The following MYH1 variants were observed in gnomAD, a reference collection of about 807,000 sequenced individuals.
The protein encoded by MYH1 is myosin heavy chain 1.
Under a neutral mutation model 225.6 loss-of-function variants are expected in MYH1, and 214 were observed. The ratio of observed to expected loss-of-function variants is 0.95; its 90% CI spans 0.85 to 1.06. The LOEUF (loss-of-function observed/expected upper bound fraction) is 1.06, where lower values mean the gene tolerates loss of function less well. MYH1 is among the 50% of genes least tolerant of loss of function. MYH1 has a pLI of 0.00. For missense variants in MYH1, 2,098 were observed against 2,344.2 expected (o/e 0.89, Z 2.17); for synonymous variants, 774 against 842.3 (o/e 0.92, Z 1.40).
rs117457393 is a variant in MYH1 at position 10,498,020 on chromosome 17, T to C, written c.4182-103A>G. ...CCACAATCAGACTTCTTTAATACTT[T>C]GCTTCTCAAGCTTGTTTTGTAGGTC... On this transcript the variant is annotated intron_variant, in intron 30 of 39. Coordinates refer to ENST00000226207, the MANE Select transcript of MYH1 (RefSeq NM_005963.4). 2.0e-4 allele frequency: 237 copies of C among 1,157,096 alleles called. 1 individual carries two copies. The East Asian group carries it at 5.1e-3, about 25-fold the overall frequency. The allele number at this position is 1,157,096 out of a possible 1,614,324, so 71.7% of individuals were successfully genotyped here.
At position 10,495,234 on chromosome 17, in the gene MYH1, T is replaced by C. The variant is rs2072976455; in HGVS notation, c.5253A>G (p.Glu1751=). The change falls in exon 36 of 40, where the codon GAA becomes GAG. Residue 1751 remains glutamate, a synonymous_variant. Transcript: ENST00000226207. ...IQGEMEDIIQ[E]ARNAEEKAKK... Reference sequence around the variant, plus strand: ...TGGCCTTCTCTTCTGCATTGCGGGCTTCCTGGATGATGTCTTCCATCTCTC... The same window carrying C: ...TGGCCTTCTCTTCTGCATTGCGGGCCTCCTGGATGATGTCTTCCATCTCTC... 1 of 1,614,216 alleles carries C rather than the reference T, an allele frequency of 6.2e-7. No homozygotes were observed. The highest frequency in any genetic ancestry group is 8.5e-7 in the Non-Finnish European group (1 of 1,180,038).
chr17:10,505,032 A>T lies in MYH1; in HGVS notation c.2469T>A (p.Arg823=), dbSNP rs144509022. ...ESIFCIQYNV[R]AFMNVKHWPW... ...GCCAGTGCTTCACATTCATGAAGGCACGGACATTGTACTGGATGCAGAAGA... is the reference window on the plus strand; with the variant it reads ...GCCAGTGCTTCACATTCATGAAGGCTCGGACATTGTACTGGATGCAGAAGA... The change falls in exon 22 of 40, where the codon CGT becomes CGA. Residue 823 remains arginine, a synonymous_variant. Coordinates refer to ENST00000226207, the MANE Select transcript of MYH1 (RefSeq NM_005963.4). 12 of 1,614,210 alleles carry T rather than the reference A, an allele frequency of 7.4e-6. No individual in the cohort carries two copies. In the African/African-American group the frequency reaches 1.6e-4, roughly 22 times the overall value.
At position 10,505,186 on chromosome 17, in the gene MYH1, C is replaced by T. The variant is rs1412762344; in HGVS notation, c.2412G>A (p.Glu804=). The change falls in exon 21 of 40, where the codon GAG becomes GAA. Residue 804 remains glutamate, a synonymous_variant. Transcript: ENST00000226207. ...ACCTTCTTTCCACCATTTTCTGGTA[C>T]TCCACTCTTGCCAAGAACCCTCTGC... ...AMCRGFLARV[E]YQKMVERRES... is the part of the protein sequence containing the mutation. 2 of 1,614,210 alleles carry T rather than the reference C, an allele frequency of 1.2e-6. No homozygotes were observed. Among genetic ancestry groups the T allele is most frequent in the Non-Finnish European group, 8.5e-7 (1 of 1,180,040 alleles).
intron 2 of MYH1, among the ~76,000 whole-genome samples, chr17:10,517,426 T>C (rs945724822): frequency 1.3e-5 from 2 of 152,202 alleles, no homozygotes; most frequent in Admixed American, 1.3e-4. Flanking sequence ...TAAAACGTTA[T>C]TACCTATGTT....
In MYH1 at chr17:10,501,777, T is replaced by C. The variant is rs866592769; in HGVS notation, c.3246A>G (p.Glu1082=). The change falls in exon 25 of 40, where the codon GAA becomes GAG. Residue 1082 remains glutamate, a synonymous_variant. Coordinates refer to ENST00000226207, the MANE Select transcript of MYH1 (RefSeq NM_005963.4). ...CTAAAACTGCTTACTTTTTAAGCTT[T>C]TCATCAAGTTGTTGTTTGTCATTTT... ...DIENDKQQLD[E]KLKKKEFEMS... is the part of the protein sequence containing the mutation. 2.5e-6 allele frequency: 4 copies of C among 1,613,850 alleles called. No individual in the cohort carries two copies. The highest frequency in any genetic ancestry group is 1.3e-5 in the African/African-American group (1 of 75,008).
Position 10,508,662 on chromosome 17 carries a change from A to C in MYH1, c.1598T>G (p.Ile533Ser). The stretch of plus-strand genomic sequence containing the variant: ...GCACTCCTCTTCCAGGATGGAGAAG[A>C]TGCCCATAGGCTGGAAGAATGAAAA... ...CIELIEKPMG[I>S]FSILEEECMF... Residue 533 changes from isoleucine (I) to serine (S), a missense_variant, in exon 16 of 40, where the codon ATC becomes AGC. Coordinates refer to ENST00000226207, the MANE Select transcript of MYH1 (RefSeq NM_005963.4). The C allele has an allele frequency of 6.2e-7, 1 of 1,614,138 alleles. No individual in the cohort carries two copies. Among genetic ancestry groups the C allele is most frequent in the Non-Finnish European group, 8.5e-7 (1 of 1,179,968 alleles).
chr17:10,508,795 C>T, intron 15 of MYH1, 123 bp from the exon 16 acceptor site: 2 of 1,387,426 alleles, frequency 1.4e-6, no homozygotes, highest in East Asian at 4.9e-5. Context: ...TTAACGAAAA[C>T]TCGTTCCTTT....
At chr17:10,507,446 T>C (rs2073124435) in intron 17 of MYH1, among the ~76,000 whole-genome samples, 1 of 152,172 alleles carries the variant, frequency 6.6e-6, no homozygotes, top group African/African-American at 2.4e-5. Context: ...CCCACCACTG[T>C]TCTATCTTAT....
Position 10,513,805 on chromosome 17 carries a change from C to T in MYH1, c.741+16G>A, listed in dbSNP as rs191980030. The T allele has an allele frequency of 1.9e-5, 30 of 1,614,156 alleles. 1 individual carries two copies. In the Middle Eastern group the frequency reaches 4.9e-4, roughly 27 times the overall value. On this transcript the variant is annotated intron_variant, in intron 8 of 39. Transcript: ENST00000226207. ...TCTAAAGGCAGAGAAGACCCTTTGGCAACCAAGAGACTTACAAAGCGAGAG... is the reference window on the plus strand; with the variant it reads ...TCTAAAGGCAGAGAAGACCCTTTGGTAACCAAGAGACTTACAAAGCGAGAG...
Position 10,499,006 on chromosome 17 carries a change from C to T in MYH1, c.3952G>A (p.Glu1318Lys). The change falls in exon 29 of 40, where the codon GAA (glutamate) becomes AAA (lysine). Residue 1318 changes from glutamate (E) to lysine (K), a missense_variant. Transcript: ENST00000226207. ...TCCTCTTCAAGTTGCCTTTTCAGTT[C>T]CTCAATCTGTTGTGTAAAGGCTTGT... ...GKQAFTQQIE[E>K]LKRQLEEEIK... is the part of the protein sequence containing the mutation. 1 of 1,613,914 alleles carries T rather than the reference C, an allele frequency of 6.2e-7. No homozygotes were observed. Among genetic ancestry groups the T allele is most frequent in the Non-Finnish European group, 8.5e-7 (1 of 1,179,820 alleles).
At chr17:10,511,078 C>T (rs1046257298) in intron 14 of MYH1, among the ~76,000 whole-genome samples, 2 of 151,592 alleles carry the variant, frequency 1.3e-5, no homozygotes, top group Admixed American at 6.6e-5. Context: ...TCCACGTTGG[C>T]TTGGAAATGT....
Position 10,508,383 on chromosome 17 carries a change from C to G in MYH1, c.1877G>C (p.Gly626Ala). 1.2e-6 allele frequency: 2 copies of G among 1,604,308 alleles called. No individual in the cohort carries two copies. Among genetic ancestry groups the G allele is most frequent in the Non-Finnish European group, 1.7e-6 (2 of 1,175,172 alleles). Reference sequence around the variant, plus strand: ...ATTACCTGCTTCCGCTCCCGTTGCCCCAACAAAGAGGAGAGCCAGAGTCTT... The same window carrying G: ...ATTACCTGCTTCCGCTCCCGTTGCCGCAACAAAGAGGAGAGCCAGAGTCTT... ...AMKTLALLFV[G>A]ATGAEAEAGG... is the part of the protein sequence containing the mutation. Residue 626 changes from glycine (G) to alanine (A), a missense_variant, in exon 16 of 40, where the codon GGG becomes GCG. Coordinates refer to ENST00000226207, the MANE Select transcript of MYH1 (RefSeq NM_005963.4).
intron 39 of MYH1, among the ~76,000 whole-genome samples, chr17:10,493,603 A>T (rs555292105): frequency 1.3e-5 from 2 of 152,320 alleles, no homozygotes; most frequent in South Asian, 4.1e-4. Context: ...TATTTACTTG[A>T]CATGTTCACT....
At chr17:10,503,402 G>A (rs1166073483) in intron 22 of MYH1, among the ~76,000 whole-genome samples, 154 bp from the exon 23 acceptor site, 1 of 152,114 alleles carries the variant, frequency 6.6e-6, no homozygotes, top group Non-Finnish European at 1.5e-5. Context: ...GGGCACTTAT[G>A]AGTCCGGTAA....
Position 10,496,537 on chromosome 17 carries a change from G to A in MYH1, c.4669C>T (p.His1557Tyr). ...ATGCGCAGGATCTTTCCCTCTTCATGTTCAAGAGATGCCTTAATGACAGCA... is the reference window on the plus strand; with the variant it reads ...ATGCGCAGGATCTTTCCCTCTTCATATTCAAGAGATGCCTTAATGACAGCA... Reference protein sequence around the residue: ...ALEEAEASLEHEEGKILRIQL... With the variant: ...ALEEAEASLEYEEGKILRIQL... The change falls in exon 34 of 40, where the codon CAT (histidine) becomes TAT (tyrosine). Residue 1557 changes from histidine to tyrosine, a missense_variant. His to Tyr is a moderately conservative substitution (Grantham distance 83). Transcript: ENST00000226207. 6 of 1,614,064 alleles carry A rather than the reference G, an allele frequency of 3.7e-6. No individual in the cohort carries two copies. The highest frequency in any genetic ancestry group is 5.1e-6 in the Non-Finnish European group (6 of 1,180,016).
In MYH1 at chr17:10,496,251, G is replaced by C. The variant is rs766685286; in HGVS notation, c.4955C>G (p.Ala1652Gly). 2.4e-5 allele frequency: 39 copies of C among 1,614,066 alleles called. No individual in the cohort carries two copies. Among genetic ancestry groups the C allele is most frequent in the Admixed American group, 3.3e-5 (2 of 60,020 alleles). ...GTTGGACATATTTACCTTGAGGATGGCTTGGGTGTTCCTATAGTTCCTCAG... is the reference window on the plus strand; with the variant it reads ...GTTGGACATATTTACCTTGAGGATGCCTTGGGTGTTCCTATAGTTCCTCAG... ...EALRNYRNTQ[A>G]ILKDTQLHLD... The change falls in exon 34 of 40, where the codon GCC (alanine) becomes GGC (glycine). Residue 1652 changes from alanine to glycine, a missense_variant. Transcript: ENST00000226207.
rs1357207362 is a variant in MYH1 at position 10,512,442 on chromosome 17, C to CT, written c.1112dup (p.Arg372AlafsTer2). 1 of 1,614,150 alleles carries CT rather than the reference C, an allele frequency of 6.2e-7. No individual in the cohort carries two copies. The stretch of plus-strand genomic sequence containing the variant: ...CATCTGGCTCAGCTTGCTCCTCACG[C>CT]TGCTTTTGCTTGAATTTCATGTTCC... On this transcript the variant is annotated frameshift_variant, in exon 12 of 40. Transcript: ENST00000226207. LOFTEE classifies it high-confidence loss of function.
intron 17 of MYH1, among the ~76,000 whole-genome samples, chr17:10,506,527 C>G (rs766279537): frequency 2.7e-5 from 4 of 150,310 alleles, no homozygotes; most frequent in South Asian, 2.1e-4. Context: ...GAGTCTTGCT[C>G]TGTTGCCCAG....
At position 10,494,525 on chromosome 17, in the gene MYH1, C is replaced by G. The variant is rs751943749; in HGVS notation, c.5571+44G>C. On this transcript the variant is annotated intron_variant, in intron 38 of 39. Coordinates refer to ENST00000226207, the MANE Select transcript of MYH1 (RefSeq NM_005963.4). ...TTTGTCATACATATGACTTTTAATCCCATGTGGACTAAAGTGAAAACCTAG... is the reference window on the plus strand; with the variant it reads ...TTTGTCATACATATGACTTTTAATCGCATGTGGACTAAAGTGAAAACCTAG... The G allele has an allele frequency of 2.2e-5, 36 of 1,610,022 alleles. No individual in the cohort carries two copies. The Admixed American group carries it at 5.9e-4, about 26-fold the overall frequency.
Sources: gnomAD v4.1 joint callset for allele counts (sites outside exome capture counted in the v4.1 genomes callset) on GRCh38, gnomAD v4.1.1 for gene constraint, MANE v1.5 for transcripts, NCBI Gene and HGNC (gene_info 2026-07-23, HGNC 2026-07-21) for gene names.